MOSMO: variants seen among roughly 807,000 people sequenced by gnomAD.
The protein encoded by MOSMO is modulator of smoothened protein.
A neutral mutation model predicts 18.4 loss-of-function variants in MOSMO; 5 were observed. The ratio of observed to expected loss-of-function variants is 0.27; its 90% CI spans 0.14 to 0.57. The LOEUF (loss-of-function observed/expected upper bound fraction) is 0.57. Ranked by LOEUF, MOSMO falls within the 20% of genes least tolerant of loss-of-function variation. The pLI is 0.92. For synonymous variants in MOSMO, 82 were observed against 82.3 expected (o/e 1.00, Z 0.02); for missense variants, 138 against 211.8 (o/e 0.65, Z 2.16).
chr16:22,065,146 A>G (rs907192692), intron 1 of MOSMO, among the ~76,000 whole-genome samples: 1 of 152,160 alleles, frequency 6.6e-6, no homozygotes, highest in East Asian at 1.9e-4. Flanking sequence ...ATAAGCTGTA[A>G]TGTGAGGGCA....
chr16:22,090,312 C>T (rs1901275757), downstream of MOSMO: 1 of 152,192 alleles, frequency 6.6e-6, no homozygotes, highest in South Asian at 2.1e-4. Context: ...TCCCTGAAGC[C>T]AGAACTATCT....
intron 1 of MOSMO, among the ~76,000 whole-genome samples, chr16:22,054,170 AC>A (rs757598484): frequency 1.3e-4 from 20 of 151,652 alleles, no homozygotes; most frequent in Non-Finnish European, 2.9e-4. Context: ...ATCTTAGCTC[AC>A]TGCAGTCTCG....
chr16:22,057,368 A>G (rs1900557428), intron 1 of MOSMO, among the ~76,000 whole-genome samples: 1 of 152,220 alleles, frequency 6.6e-6, no homozygotes, highest in Non-Finnish European at 1.5e-5. Context: ...GAGTGAATTC[A>G]TTCTCACAAG....
At position 22,022,766 on chromosome 16, in the gene MOSMO, C is replaced by A. The variant is rs555824496; in HGVS notation, c.106+14359C>A. Among the ~76,000 whole-genome samples, 18 of 152,148 alleles carry A rather than the reference C, an allele frequency of 1.2e-4. 1 individual carries two copies. In the South Asian group the frequency reaches 3.7e-3, roughly 32 times the overall value. Reference sequence around the variant, plus strand: ...GGAGGTGATTAAAAAGAGGTCTAGCCCACTTTGTGCTATATGAAGATACAG... The same window carrying A: ...GGAGGTGATTAAAAAGAGGTCTAGCACACTTTGTGCTATATGAAGATACAG... On this transcript the variant is annotated intron_variant, in intron 1 of 2. Transcript: ENST00000542527.
intron 2 of MOSMO, among the ~76,000 whole-genome samples, chr16:22,079,244 A>G (rs1901032268): frequency 6.6e-6 from 1 of 152,190 alleles, no homozygotes; most frequent in African/African-American, 2.4e-5. Context: ...GCTGGGGGAT[A>G]GTTTTCACCT....
chr16:22,014,807 G>T (rs962054998), intron 1 of MOSMO, among the ~76,000 whole-genome samples: 1 of 152,120 alleles, frequency 6.6e-6, no homozygotes, highest in African/African-American at 2.4e-5. Flanking sequence ...ATTTATAGAG[G>T]ACAGGATTTG....
intron 1 of MOSMO, among the ~76,000 whole-genome samples, chr16:22,047,620 C>T (rs1900340155): frequency 6.6e-6 from 1 of 152,104 alleles, no homozygotes; most frequent in Non-Finnish European, 1.5e-5. Context: ...GTGCGGTGAA[C>T]ATCTTTGTAC....
chr16:22,083,136 T>C lies in MOSMO; in HGVS notation c.*2256T>C, dbSNP rs1443000590. ...GAGCTTTTCTCTTCCAAAAGATGAA[T>C]TGTATTGTAAATAGTTTCTCAAAAT... On this transcript the variant is annotated 3_prime_UTR_variant, in exon 3 of 3. Coordinates refer to ENST00000542527, the MANE Select transcript of MOSMO (RefSeq NM_001164579.2). 6.6e-6 allele frequency: 1 copy of C among 152,252 alleles called. No homozygotes were observed. Among genetic ancestry groups the C allele is most frequent in the East Asian group, 1.9e-4 (1 of 5,200 alleles). The allele number at this position is 152,252 out of a possible 1,614,324, so 9.4% of individuals were successfully genotyped here.
At chr16:22,060,334 C>G (rs934471703) in intron 1 of MOSMO, among the ~76,000 whole-genome samples, 2 of 152,274 alleles carry the variant, frequency 1.3e-5, no homozygotes, top group Non-Finnish European at 2.9e-5. Flanking sequence ...ATAAAGAACT[C>G]TTTAATCATT....
intron 1 of MOSMO, among the ~76,000 whole-genome samples, chr16:22,058,094 G>A (rs761737809): frequency 4.6e-5 from 7 of 152,132 alleles, no homozygotes; most frequent in Non-Finnish European, 5.9e-5. Context: ...CCATTAAAAT[G>A]TTTAAGGTAA....
At chr16:22,030,292 G>A (rs1343691496) in intron 1 of MOSMO, among the ~76,000 whole-genome samples, 4 of 152,068 alleles carry the variant, frequency 2.6e-5, no homozygotes, top group East Asian at 1.9e-4. Flanking sequence ...ATACATCACT[G>A]TAGAAAAAGA....
intron 1 of MOSMO, among the ~76,000 whole-genome samples, chr16:22,032,302 G>A (rs1450461209): frequency 6.0e-5 from 9 of 149,472 alleles, no homozygotes; most frequent in Non-Finnish European, 7.4e-5. Context: ...TGATTCTTGT[G>A]CTTTAAGCCT....
intron 1 of MOSMO, among the ~76,000 whole-genome samples, chr16:22,030,104 A>G (rs766895588): frequency 4.6e-5 from 7 of 151,288 alleles, no homozygotes; most frequent in Non-Finnish European, 5.9e-5. Flanking sequence ...TTCAAACTTA[A>G]GGTTGAAGAA....
chr16:22,072,067 G>A (rs533694248), intron 1 of MOSMO, among the ~76,000 whole-genome samples: 2 of 152,244 alleles, frequency 1.3e-5, no homozygotes, highest in Admixed American at 6.5e-5. Context: ...CCTGTTTGGG[G>A]ATAAAAAGAA....
intron 1 of MOSMO, among the ~76,000 whole-genome samples, chr16:22,024,684 G>A (rs1314876161): frequency 6.6e-6 from 1 of 152,014 alleles, no homozygotes; most frequent in Non-Finnish European, 1.5e-5. Context: ...TTTAATAGTG[G>A]GAAAGTTATG....
chr16:22,048,856 C>T (rs924655153), intron 1 of MOSMO, among the ~76,000 whole-genome samples: 1 of 152,002 alleles, frequency 6.6e-6, no homozygotes, highest in African/African-American at 2.4e-5. Flanking sequence ...TTTGTAAAGC[C>T]TCTTGAATTT....
Position 22,082,536 on chromosome 16 carries a change from A to T in MOSMO, c.*1656A>T, listed in dbSNP as rs1198546411. ...TTATAGTGAACTGATGACCCAAATG[A>T]CTCCCTGTCAGTAGAGTCCCATGTG... On this transcript the variant is annotated 3_prime_UTR_variant, in exon 3 of 3. Transcript: ENST00000542527. 2.0e-5 allele frequency: 3 copies of T among 151,844 alleles called. No homozygotes were observed. Among genetic ancestry groups the T allele is most frequent in the Non-Finnish European group, 4.4e-5 (3 of 67,990 alleles). 9.4% of individuals were successfully genotyped at this position (151,844 alleles called of 1,614,324 possible).
chr16:22,021,581 G>A (rs1298158658), intron 1 of MOSMO, among the ~76,000 whole-genome samples: 1 of 152,102 alleles, frequency 6.6e-6, no homozygotes. Context: ...CAGATCGCTT[G>A]AGCTCAAGGA....
At chr16:22,089,222 C>A (rs1242766918), downstream of MOSMO, among the ~76,000 whole-genome samples, 2 of 152,066 alleles carry the variant, frequency 1.3e-5, no homozygotes, top group South Asian at 4.1e-4. Context: ...CACGCACCAC[C>A]ATTTCTGGCT....
Sources: allele counts gnomAD v4.1 joint callset (sites outside exome capture counted in the v4.1 genomes callset), GRCh38; gene constraint gnomAD v4.1.1; transcripts MANE v1.5; gene names NCBI Gene and HGNC (gene_info 2026-07-23, HGNC 2026-07-21).